CCNY: variants seen among roughly 807,000 people sequenced by gnomAD.
The protein encoded by CCNY is cyclin-Y.
Under a neutral mutation model 42.8 loss-of-function variants are expected in CCNY, and 19 were observed. That is an observed-to-expected ratio of 0.44 (90% CI 0.31 to 0.65). The LOEUF (loss-of-function observed/expected upper bound fraction) is 0.65. CCNY is among the 30% of genes least tolerant of loss of function. The pLI, the probability that CCNY is intolerant of heterozygous loss-of-function variation, is 0.07. For synonymous variants in CCNY, 165 were observed against 162.7 expected, an observed-to-expected ratio of 1.01 and a Z score of -0.11; for missense variants, 370 against 437.3, an observed-to-expected ratio of 0.85 and a Z score of 1.37.
chr10:35,340,756 A>T (rs988487289), intron 1 of CCNY, among the ~76,000 whole-genome samples: 1 of 152,108 alleles, frequency 6.6e-6, no homozygotes, highest in African/African-American at 2.4e-5. Flanking sequence ...TGCCCGCCTC[A>T]GTCTCCCAAA....
At chr10:35,252,582 AAAAAAAAAAAT>A (rs1412264160) in intron 3 of CCNY, among the ~76,000 whole-genome samples, 1 of 150,004 alleles carries the variant, frequency 6.7e-6, no homozygotes, top group Admixed American at 6.7e-5. Context: ...AAAAAAAAAA[AAAAAAAAAAAT>A]GAGAATATCC....
At chr10:35,501,710 T>C (rs2135391177) in intron 3 of CCNY, 175 bp downstream of exon 3, 2 of 581,744 alleles carry the variant, frequency 3.4e-6, no homozygotes, top group South Asian at 2.3e-5. Flanking sequence ...TCAGTATTTG[T>C]CCACTGTCCC....
chr10:35,567,443 G>A (rs780028282), intron 9 of CCNY, among the ~76,000 whole-genome samples: 4 of 152,236 alleles, frequency 2.6e-5, no homozygotes, highest in Non-Finnish European at 4.4e-5. Flanking sequence ...CCTCCAGAGA[G>A]GGTGTGCCCC....
intron 1 of CCNY, among the ~76,000 whole-genome samples, chr10:35,346,702 T>C (rs1316363207): frequency 6.6e-6 from 1 of 152,242 alleles, no homozygotes; most frequent in African/African-American, 2.4e-5. Flanking sequence ...GTTAGCTCAC[T>C]GCAAACCTCC....
At chr10:35,337,308 G>A in intron 1 of CCNY, 101 bp downstream of exon 1, 1 of 1,258,432 alleles carries the variant, frequency 7.9e-7, no homozygotes. Context: ...GCCGGTCTCG[G>A]CGACCCGTGC....
At chr10:35,468,964 T>C (rs960631299) in intron 1 of CCNY, among the ~76,000 whole-genome samples, 3 of 152,224 alleles carry the variant, frequency 2.0e-5, no homozygotes, top group Admixed American at 2.0e-4. Context: ...TCTCTGAGGG[T>C]TCTAGCTATA....
chr10:35,505,843 C>A (rs964411636), intron 3 of CCNY, among the ~76,000 whole-genome samples: 1 of 152,152 alleles, frequency 6.6e-6, no homozygotes, highest in East Asian at 1.9e-4. Flanking sequence ...CCAGGATTTT[C>A]TGGGAGGAGT....
intron 1 of CCNY, among the ~76,000 whole-genome samples, chr10:35,361,055 C>T (rs994305728): frequency 1.1e-4 from 16 of 152,096 alleles, no homozygotes; most frequent in African/African-American, 3.6e-4. Flanking sequence ...GACGGGGTTT[C>T]GTCATGTTGG....
chr10:35,544,098 A>G (rs1004712674), intron 7 of CCNY, among the ~76,000 whole-genome samples: 3 of 152,238 alleles, frequency 2.0e-5, no homozygotes, highest in African/African-American at 7.2e-5. Context: ...TTAATTTATT[A>G]TTACAGAAAA....
chr10:35,276,234 C>T (rs564867731), intron 3 of CCNY, among the ~76,000 whole-genome samples: 10 of 152,224 alleles, frequency 6.6e-5, no homozygotes, highest in Admixed American at 2.6e-4. Context: ...GCTCTCTGTG[C>T]GAGGAACTCC....
At chr10:35,427,306 C>T (rs1320381965) in intron 1 of CCNY, among the ~76,000 whole-genome samples, 2 of 152,190 alleles carry the variant, frequency 1.3e-5, no homozygotes, top group Non-Finnish European at 2.9e-5. Context: ...CTGGGCATAG[C>T]GCCCATGGAA....
chr10:35,412,411 C>CT (rs1319381426), intron 1 of CCNY, among the ~76,000 whole-genome samples: 19 of 152,074 alleles, frequency 1.2e-4, no homozygotes, highest in Admixed American at 1.2e-3. Flanking sequence ...AAATGCATTG[C>CT]TATACAACTT....
intron 1 of CCNY, among the ~76,000 whole-genome samples, chr10:35,475,229 G>T (rs925729868): frequency 6.6e-6 from 1 of 152,138 alleles, no homozygotes; most frequent in Non-Finnish European, 1.5e-5. Flanking sequence ...ATATTATCCA[G>T]GAGAATTTCC....
chr10:35,273,954 C>T (rs1835205537), intron 3 of CCNY, among the ~76,000 whole-genome samples: 3 of 152,216 alleles, frequency 2.0e-5, no homozygotes, highest in Admixed American at 2.0e-4. Flanking sequence ...CCACATCACC[C>T]AGTCAGTGGG....
intron 3 of CCNY, among the ~76,000 whole-genome samples, chr10:35,282,397 G>A (rs1354534480): frequency 1.3e-5 from 2 of 151,920 alleles, no homozygotes; most frequent in African/African-American, 2.4e-5. Flanking sequence ...AAAGTGCTGG[G>A]ATTACAGGTG....
At chr10:35,363,067 G>A (rs1201812520) in intron 1 of CCNY, among the ~76,000 whole-genome samples, 1 of 151,072 alleles carries the variant, frequency 6.6e-6, no homozygotes, top group East Asian at 2.0e-4. Flanking sequence ...CTTCCCAGAT[G>A]GTGGGCCGCC....
intron 3 of CCNY, among the ~76,000 whole-genome samples, chr10:35,271,649 T>C (rs1835170563): frequency 6.6e-6 from 1 of 152,182 alleles, no homozygotes; most frequent in South Asian, 2.1e-4. Flanking sequence ...AGCTTCCCAC[T>C]CTGCACCTCC....
chr10:35,566,075 C>A lies in CCNY; in HGVS notation c.799C>A (p.Pro267Thr). The A allele has an allele frequency of 6.2e-7, 1 of 1,614,186 alleles. No homozygotes were observed. The highest frequency in any genetic ancestry group is 8.5e-7 in the Non-Finnish European group (1 of 1,180,020). ...LELLQFNINV[P>T]SSVYAKYYFD... ...ATTGCTGCAGTTCAACATCAATGTT[C>A]CTTCCAGTGTCTATGCCAAGTATTA... is the stretch of plus-strand genomic sequence containing the variant. Residue 267 changes from proline to threonine, a missense_variant, in exon 9 of 10, where the codon CCT becomes ACT. This residue lies in a region of CCNY where 234 missense variants were observed against 313.1 expected (regional missense o/e 0.75). Transcript: ENST00000374704.
intron 1 of CCNY, among the ~76,000 whole-genome samples, chr10:35,403,185 A>G (rs1371164116): frequency 6.6e-6 from 1 of 152,204 alleles, no homozygotes; most frequent in East Asian, 1.9e-4. Flanking sequence ...CACATGGAAC[A>G]CAGAGAAGTG....
Sources: allele counts gnomAD v4.1 joint callset (sites outside exome capture counted in the v4.1 genomes callset), GRCh38; gene constraint gnomAD v4.1.1; regional missense constraint gnomAD v4.1.1; transcripts MANE v1.5; gene names NCBI Gene and HGNC (gene_info 2026-07-23, HGNC 2026-07-21).